The following SGO2 variants were observed in gnomAD, a reference collection of about 807,000 sequenced individuals.
SGO2 encodes the protein shugoshin-like 2.
SGO2 carries 68 observed loss-of-function variants against 99.5 expected under a neutral mutation model. The observed-to-expected ratio is 0.68, with a 90% confidence interval of 0.56 to 0.84. The LOEUF is 0.84. SGO2 is among the 40% of genes least tolerant of loss of function. The pLI, the probability that SGO2 is intolerant of heterozygous loss-of-function variation, is 0.00. For missense variants in SGO2, 1,350 were observed against 1,436.7 expected (o/e 0.94, Z 0.97); for synonymous variants, 457 against 487.1 (o/e 0.94, Z 0.81).
chr2:200,554,769 C>T (rs573929366), intron 5 of SGO2, among the ~76,000 whole-genome samples: 59 of 152,250 alleles, frequency 3.9e-4, no homozygotes, highest in East Asian at 1.4e-3. Flanking sequence ...ATGCCAAATA[C>T]GCCAAATTTC....
At chr2:200,558,644 T>A (rs1488769918) in intron 5 of SGO2, among the ~76,000 whole-genome samples, 1 of 151,968 alleles carries the variant, frequency 6.6e-6, no homozygotes, top group Non-Finnish European at 1.5e-5. Flanking sequence ...TTTTGTCAGG[T>A]TTTTGTATTT....
chr2:200,546,935 G>T (rs1367657163), intron 5 of SGO2, among the ~76,000 whole-genome samples: 1 of 152,102 alleles, frequency 6.6e-6, no homozygotes, highest in African/African-American at 2.4e-5. Flanking sequence ...CTGAGCATGA[G>T]CAAGGCATAG....
chr2:200,546,773 A>C (rs966659201), intron 5 of SGO2, among the ~76,000 whole-genome samples: 2 of 152,184 alleles, frequency 1.3e-5, no homozygotes, highest in African/African-American at 4.8e-5. Context: ...AGAATGAACC[A>C]AGCAGAGGAA....
intron 5 of SGO2, among the ~76,000 whole-genome samples, chr2:200,565,109 G>A (rs2033134607): frequency 6.6e-6 from 1 of 152,144 alleles, no homozygotes; most frequent in African/African-American, 2.4e-5. Context: ...TCATTATGAT[G>A]TTTGCTGGTT....
At position 200,583,448 on chromosome 2, in the gene SGO2, G is replaced by A. The variant is rs1337505237; in HGVS notation, c.3783-1G>A. 1.3e-6 allele frequency: 2 copies of A among 1,581,904 alleles called. No individual in the cohort carries two copies. Among genetic ancestry groups the A allele is most frequent in the Non-Finnish European group, 8.6e-7 (1 of 1,166,676 alleles). On this transcript the variant is annotated splice_acceptor_variant, in intron 8 of 8. Coordinates refer to ENST00000357799, the MANE Select transcript of SGO2 (RefSeq NM_152524.6). LOFTEE classifies it high-confidence loss of function. ...AATCTTCCTTTTTTTCTACTTTGCAGCAAGATGAGAAGATGAAGTGAATTT... is the reference window on the plus strand; with the variant it reads ...AATCTTCCTTTTTTTCTACTTTGCAACAAGATGAGAAGATGAAGTGAATTT...
intron 8 of SGO2, chr2:200,580,540 A>G: frequency 2.3e-6 from 1 of 427,076 alleles, no homozygotes; most frequent in Non-Finnish European, 4.7e-6. Context: ...TATAGATAAC[A>G]GTGTTTTATG....
chr2:200,545,962 A>C (rs1559203808), intron 5 of SGO2, among the ~76,000 whole-genome samples: 2 of 152,160 alleles, frequency 1.3e-5, no homozygotes, highest in African/African-American at 2.4e-5. Context: ...AGCCAAAGGA[A>C]GCGCCAAATG....
intron 2 of SGO2, chr2:200,533,517 A>ATGTGTGTG (rs751624851): frequency 7.6e-5 from 5 of 65,492 alleles, no homozygotes; most frequent in Non-Finnish European, 1.5e-4. Context: ...TATATAATGT[A>ATGTGTGTG]TATGTGTGTG....
intron 5 of SGO2, among the ~76,000 whole-genome samples, chr2:200,546,270 G>A (rs982326605): frequency 3.4e-5 from 5 of 145,690 alleles, no homozygotes; most frequent in Admixed American, 7.0e-5. Context: ...GGAGAATGAC[G>A]TGAACCCAGA....
Position 200,533,452 on chromosome 2 carries a change from T to C in SGO2, c.133+344T>C, listed in dbSNP as rs1231810265. On this transcript the variant is annotated intron_variant, in intron 2 of 8. Coordinates refer to ENST00000357799, the MANE Select transcript of SGO2 (RefSeq NM_152524.6). The stretch of plus-strand genomic sequence containing the variant: ...CTGGCATGTTGTGGCAACTGGATGA[T>C]GGGTAGCCTTGAGGAGGTGGGCTCA... 6 of 204,792 alleles carry C rather than the reference T, an allele frequency of 2.9e-5. No homozygotes were observed. The East Asian group carries it at 9.0e-4, about 31-fold the overall frequency. 12.7% of individuals were successfully genotyped at this position (204,792 alleles called of 1,614,324 possible). A position where few individuals can be genotyped will look rare whatever the true frequency, so the allele number is the denominator to read the frequency against.
intron 5 of SGO2, among the ~76,000 whole-genome samples, chr2:200,562,381 AT>A (rs1313475637): frequency 6.6e-6 from 1 of 152,126 alleles, no homozygotes; most frequent in South Asian, 2.1e-4. Flanking sequence ...GTGTGGTATT[AT>A]TTTTGAGGGT....
chr2:200,546,555 G>A (rs1038495954), intron 5 of SGO2, among the ~76,000 whole-genome samples: 1 of 151,932 alleles, frequency 6.6e-6, no homozygotes, highest in African/African-American at 2.4e-5. Flanking sequence ...CTGATGAAGT[G>A]GCAGTTTGTG....
intron 5 of SGO2, among the ~76,000 whole-genome samples, chr2:200,553,947 A>G (rs185200592): frequency 3.9e-5 from 6 of 152,300 alleles, no homozygotes; most frequent in Admixed American, 2.0e-4. Flanking sequence ...AGTTTTCCCA[A>G]TGGGCCTTTA....
chr2:200,579,141 T>C (rs76419993), intron 8 of SGO2, among the ~76,000 whole-genome samples: 3,193 of 152,312 alleles, frequency 0.021, 105 homozygotes, highest in African/African-American at 0.073. Context: ...TTTAGTTTTC[T>C]TTGTTGCTAT....
Position 200,570,478 on chromosome 2 carries a change from ATGTGTGTGTGTGTGTG to A in SGO2, c.704-555_704-540del, listed in dbSNP as rs71022323. On this transcript the variant is annotated intron_variant, in intron 6 of 8. Coordinates refer to ENST00000357799, the MANE Select transcript of SGO2 (RefSeq NM_152524.6). This position sits in a 1 kb window ranked among gnomAD's most constrained non-coding sequence, Gnocchi z 4.4. ...TTAGAATTGTTTTTCCTTTCTGAAA[ATGTGTGTGTGTGTGTG>A]TGTGTGTGTGTGTGTGGGCATATGT... is the stretch of plus-strand genomic sequence containing the variant. 1.4e-5 allele frequency among the ~76,000 whole-genome samples: 2 copies of A among 142,762 alleles called. No homozygotes were observed. Among genetic ancestry groups the A allele is most frequent in the Non-Finnish European group, 3.1e-5 (2 of 65,512 alleles). The allele number at this position is 142,762 out of a possible 152,430, so 93.7% of individuals were successfully genotyped here.
chr2:200,558,181 G>A (rs1333356153), intron 5 of SGO2, among the ~76,000 whole-genome samples: 1 of 151,936 alleles, frequency 6.6e-6, no homozygotes, highest in Non-Finnish European at 1.5e-5. Flanking sequence ...GTTAAATATT[G>A]AATAAAAGAA....
At position 200,572,732 on chromosome 2, in the gene SGO2, C is replaced by G; in HGVS notation, c.2386C>G (p.Pro796Ala). 6.2e-7 allele frequency: 1 copy of G among 1,612,974 alleles called. No homozygotes were observed. The highest frequency in any genetic ancestry group is 1.1e-5 in the South Asian group (1 of 90,906). Reference sequence around the variant, plus strand: ...GGTGAAACATGGCCATGATATGCAACCTGCTTGTCAAAATGATTCAAAAAT... The same window carrying G: ...GGTGAAACATGGCCATGATATGCAAGCTGCTTGTCAAAATGATTCAAAAAT... ...LGVKHGHDMQ[P>A]ACQNDSKIGK... Residue 796 changes from proline to alanine, a missense_variant, in exon 7 of 9, where the codon CCT becomes GCT. Pro to Ala is a conservative substitution (Grantham distance 27). Coordinates refer to ENST00000357799, the MANE Select transcript of SGO2 (RefSeq NM_152524.6).
chr2:200,575,200 A>G, intron 7 of SGO2, 111 bp from the exon 8 acceptor site: 1 of 534,740 alleles, frequency 1.9e-6, no homozygotes, highest in East Asian at 3.4e-5. Context: ...TCAAAATTGA[A>G]TCAAGATTTA....
chr2:200,562,085 C>T (rs573710639), intron 5 of SGO2, among the ~76,000 whole-genome samples: 80 of 152,254 alleles, frequency 5.3e-4, no homozygotes, highest in African/African-American at 1.9e-3. Context: ...TCAATTTTGG[C>T]TTTTGCTGCA....
Sources: allele counts gnomAD v4.1 joint callset (sites outside exome capture counted in the v4.1 genomes callset), GRCh38; gene constraint gnomAD v4.1.1; non-coding constraint Gnocchi (gnomAD v3.1); transcripts MANE v1.5; gene names NCBI Gene and HGNC (gene_info 2026-07-23, HGNC 2026-07-21).